The following ADGRB3 variants were observed in gnomAD, a reference collection of about 807,000 sequenced individuals.
The protein encoded by ADGRB3 is adhesion G protein-coupled receptor B3.
In ADGRB3, 37 loss-of-function variants were observed where a neutral mutation model predicts 193.4. That is an observed-to-expected ratio of 0.19 (90% CI 0.15 to 0.25). The LOEUF is 0.25. Among genes scored for constraint, ADGRB3 ranks in the 10% least tolerant of loss-of-function variants. The probability of loss-of-function intolerance (pLI) is 1.00; values close to 1 mark genes in which losing one functional copy is unlikely to be tolerated. For synonymous variants in ADGRB3, 690 were observed against 644.2 expected, an observed-to-expected ratio of 1.07 and a Z score of -1.08; for missense variants, 1,637 against 1,852.9, an observed-to-expected ratio of 0.88 and a Z score of 2.14.
At chr6:69,366,614 A>G (rs1330675535) in intron 29 of ADGRB3, among the ~76,000 whole-genome samples, 1 of 152,068 alleles carries the variant, frequency 6.6e-6, no homozygotes, top group Non-Finnish European at 1.5e-5. Flanking sequence ...CATCGTAAAG[A>G]ATTTCTCCTT....
At chr6:69,372,133 G>T (rs1025755478) in intron 29 of ADGRB3, among the ~76,000 whole-genome samples, 1 of 151,870 alleles carries the variant, frequency 6.6e-6, no homozygotes, top group African/African-American at 2.4e-5. Flanking sequence ...TAAAAATTAG[G>T]GTTAAGAGGT....
At chr6:68,938,205 G>A (rs912202158) in intron 5 of ADGRB3, among the ~76,000 whole-genome samples, 6 of 151,810 alleles carry the variant, frequency 4.0e-5, no homozygotes, top group Admixed American at 3.9e-4. Context: ...CAAGAAAAAA[G>A]CATGAAGTAA....
intron 17 of ADGRB3, among the ~76,000 whole-genome samples, chr6:69,129,665 C>T (rs1475907488): frequency 6.6e-6 from 1 of 152,130 alleles, no homozygotes; most frequent in East Asian, 1.9e-4. Context: ...GTTACACACA[C>T]TGTAATCTCA....
intron 10 of ADGRB3, among the ~76,000 whole-genome samples, chr6:68,981,721 G>A (rs1271772895): frequency 6.6e-6 from 1 of 151,388 alleles, no homozygotes; most frequent in African/African-American, 2.4e-5. Context: ...ACAAAAACAA[G>A]CAATGGGTTG....
intron 20 of ADGRB3, among the ~76,000 whole-genome samples, chr6:69,251,136 C>G (rs933096006): frequency 5.3e-5 from 8 of 152,228 alleles, no homozygotes; most frequent in African/African-American, 1.9e-4. Context: ...TCAAAAGCGT[C>G]TCATCAATTA....
chr6:68,787,110 T>G (rs1186904302), intron 3 of ADGRB3, among the ~76,000 whole-genome samples: 2 of 152,186 alleles, frequency 1.3e-5, no homozygotes, highest in Non-Finnish European at 2.9e-5. Context: ...CAGGGACAAT[T>G]TGACTTCCTC....
chr6:69,239,496 A>G (rs1053972759), intron 20 of ADGRB3, among the ~76,000 whole-genome samples: 28 of 152,044 alleles, frequency 1.8e-4, no homozygotes, highest in African/African-American at 6.5e-4. Context: ...CTATGAGTTC[A>G]AAGCTTTGGG....
chr6:68,937,408 G>A (rs577083682), intron 5 of ADGRB3, among the ~76,000 whole-genome samples: 1 of 152,222 alleles, frequency 6.6e-6, no homozygotes, highest in Admixed American at 6.5e-5. Context: ...GTAATAATAG[G>A]ACTCTGGGCT....
At chr6:69,344,920 G>A (rs1169400805) in intron 26 of ADGRB3, among the ~76,000 whole-genome samples, 1 of 152,090 alleles carries the variant, frequency 6.6e-6, no homozygotes, top group Non-Finnish European at 1.5e-5. Context: ...GAATAGCAGA[G>A]AGTTTGATTC....
rs58586306 is a variant in ADGRB3 at position 69,210,149 on chromosome 6, C to CATATATAT, written c.2481-23127_2481-23120dup. On this transcript the variant is annotated intron_variant, in intron 17 of 31. Coordinates refer to ENST00000370598, the MANE Select transcript of ADGRB3 (RefSeq NM_001704.3). The stretch of plus-strand genomic sequence containing the variant: ...ATATATATCATATATTAATATATAT[C>CATATATAT]ATATATATATATATATATATAAAGG... 7.3e-3 allele frequency among the ~76,000 whole-genome samples: 573 copies of CATATATAT among 78,882 alleles called. 61 individuals carry two copies. The highest frequency in any genetic ancestry group is 0.015 in the Middle Eastern group (2 of 130). 51.7% of individuals were successfully genotyped at this position (78,882 alleles called of 152,430 possible). A position where few individuals can be genotyped will look rare whatever the true frequency, so the allele number is the denominator to read the frequency against.
At chr6:69,347,162 A>ACTTT (rs1363868322) in intron 26 of ADGRB3, among the ~76,000 whole-genome samples, 1 of 152,132 alleles carries the variant, frequency 6.6e-6, no homozygotes, top group Non-Finnish European at 1.5e-5. Context: ...AACAATGAGA[A>ACTTT]CACATGGACA....
At chr6:69,135,604 C>CA (rs1774128384) in intron 17 of ADGRB3, among the ~76,000 whole-genome samples, 1 of 151,906 alleles carries the variant, frequency 6.6e-6, no homozygotes, top group South Asian at 2.1e-4. Flanking sequence ...TGTCTCAGCT[C>CA]AAAAAAGCCG....
intron 29 of ADGRB3, among the ~76,000 whole-genome samples, chr6:69,369,452 C>G (rs1300079263): frequency 6.6e-6 from 1 of 152,072 alleles, no homozygotes; most frequent in Non-Finnish European, 1.5e-5. Flanking sequence ...AATCTCAGCA[C>G]TTTGAGAGGC....
At chr6:68,932,040 C>G (rs1048204299) in intron 4 of ADGRB3, among the ~76,000 whole-genome samples, 11 of 152,130 alleles carry the variant, frequency 7.2e-5, no homozygotes, top group African/African-American at 2.4e-4. Flanking sequence ...ATGTATTTCT[C>G]TCCTTTACAG....
intron 17 of ADGRB3, among the ~76,000 whole-genome samples, chr6:69,151,193 G>C (rs538238093): frequency 6.6e-6 from 1 of 152,290 alleles, no homozygotes; most frequent in South Asian, 2.1e-4. Context: ...AGGAGTTGCA[G>C]TTCTGTGACC....
At chr6:69,143,405 T>C (rs1159362535) in intron 17 of ADGRB3, among the ~76,000 whole-genome samples, 6 of 152,210 alleles carry the variant, frequency 3.9e-5, no homozygotes, top group African/African-American at 1.2e-4. Flanking sequence ...CATTTGTACA[T>C]GTTTACTTTG....
At chr6:68,788,704 A>G (rs558254944) in intron 3 of ADGRB3, among the ~76,000 whole-genome samples, 1 of 152,278 alleles carries the variant, frequency 6.6e-6, no homozygotes, top group South Asian at 2.1e-4. Context: ...ATTCCTGGGT[A>G]TCCTTGTTAA....
intron 5 of ADGRB3, among the ~76,000 whole-genome samples, chr6:68,938,451 T>G (rs1046334221): frequency 0.074 from 2,518 of 33,842 alleles, 66 homozygotes; most frequent in African/African-American, 0.14. Flanking sequence ...TATATATATA[T>G]ATATATATAT....
intron 20 of ADGRB3, among the ~76,000 whole-genome samples, chr6:69,263,091 A>G (rs892429946): frequency 2.0e-5 from 3 of 152,042 alleles, no homozygotes; most frequent in Non-Finnish European, 4.4e-5. Flanking sequence ...ATTTATCTTC[A>G]TTAAAAAGTG....
Sources: allele counts gnomAD v4.1 joint callset (sites outside exome capture counted in the v4.1 genomes callset), GRCh38; gene constraint gnomAD v4.1.1; transcripts MANE v1.5; gene names NCBI Gene and HGNC (gene_info 2026-07-23, HGNC 2026-07-21).